The following MACROD1 variants were observed in gnomAD, a reference collection of about 807,000 sequenced individuals.
MACROD1 encodes mono-ADP ribosylhydrolase 1, also known as ADP-ribose glycohydrolase MACROD1.
Under a neutral mutation model 41.4 loss-of-function variants are expected in MACROD1, and 31 were observed. The ratio of observed to expected loss-of-function variants is 0.75; its 90% CI spans 0.56 to 1.01. The LOEUF (loss-of-function observed/expected upper bound fraction) is 1.01. Among genes scored for constraint, MACROD1 ranks in the 50% least tolerant of loss-of-function variants. MACROD1 has a pLI of 0.00. For missense variants in MACROD1, 473 were observed against 460.0 expected, an observed-to-expected ratio of 1.03 and a Z score of -0.26; for synonymous variants, 252 against 203.4, an observed-to-expected ratio of 1.24 and a Z score of -2.03.
chr11:64,000,415 G>C, intron 4 of MACROD1, 72 bp from the exon 5 acceptor site: 1 of 1,030,966 alleles, frequency 9.7e-7, no homozygotes, highest in Admixed American at 3.2e-5. Flanking sequence ...CCTCAGTCCC[G>C]AGAAGCCCCT....
chr11:64,002,273 C>T (rs530236941), intron 4 of MACROD1, among the ~76,000 whole-genome samples: 2 of 152,294 alleles, frequency 1.3e-5, no homozygotes, highest in East Asian at 1.9e-4. Flanking sequence ...CAGGCGACCT[C>T]GGCCAGCTGT....
intron 3 of MACROD1, among the ~76,000 whole-genome samples, chr11:64,033,176 T>C (rs1465918278): frequency 6.6e-6 from 1 of 152,154 alleles, no homozygotes; most frequent in African/African-American, 2.4e-5. Context: ...CATAACTGTC[T>C]AGGTGCCCAG....
In MACROD1 at chr11:64,090,792, G is replaced by A. The variant is rs1944475902; in HGVS notation, c.517+60447C>T. 2.6e-5 allele frequency among the ~76,000 whole-genome samples: 4 copies of A among 152,058 alleles called. No individual in the cohort carries two copies. In the South Asian group the frequency reaches 8.3e-4, roughly 32 times the overall value. On this transcript the variant is annotated intron_variant, in intron 3 of 10. Coordinates refer to ENST00000255681, the MANE Select transcript of MACROD1 (RefSeq NM_014067.4). This position sits in a 1 kb window ranked among gnomAD's most constrained non-coding sequence, Gnocchi z 4.7. ...GGCGGCGTCTCTCCACCAGGCACTT[G>A]GGGTTTGTCTCTGGGGCTCTGCAGA...
intron 3 of MACROD1, among the ~76,000 whole-genome samples, chr11:64,020,638 C>T (rs1943140614): frequency 1.3e-5 from 2 of 152,122 alleles, no homozygotes; most frequent in African/African-American, 2.4e-5. Context: ...TCATCTGCCA[C>T]CTCCTCAGGT....
At chr11:64,123,359 G>A (rs923732577) in intron 3 of MACROD1, among the ~76,000 whole-genome samples, 1 of 152,210 alleles carries the variant, frequency 6.6e-6, no homozygotes, top group Non-Finnish European at 1.5e-5. Context: ...TCTTAAGGAG[G>A]GATAAAAAGG....
intron 3 of MACROD1, among the ~76,000 whole-genome samples, chr11:64,130,600 C>G (rs1945251294): frequency 6.6e-6 from 1 of 152,196 alleles, no homozygotes; most frequent in African/African-American, 2.4e-5. Context: ...GGAGGGCACC[C>G]AGCTGGCCCT....
At chr11:64,121,059 T>C (rs1161898701) in intron 3 of MACROD1, among the ~76,000 whole-genome samples, 1 of 152,098 alleles carries the variant, frequency 6.6e-6, no homozygotes, top group Non-Finnish European at 1.5e-5. Context: ...AAGGTCCTGC[T>C]TGGCTGGGGC....
intron 5 of MACROD1, 155 bp downstream of exon 5, chr11:64,000,072 G>C (rs772682680): frequency 1.1e-5 from 7 of 650,956 alleles, no homozygotes; most frequent in Middle Eastern, 4.1e-4. Context: ...GCTTCCTGGG[G>C]TGTGCGGGGT....
intron 3 of MACROD1, among the ~76,000 whole-genome samples, chr11:64,043,145 C>T (rs1336887331): frequency 1.3e-5 from 2 of 152,166 alleles, no homozygotes; most frequent in Non-Finnish European, 2.9e-5. Context: ...TGATGGCATA[C>T]GTGCTGACAT....
intron 3 of MACROD1, chr11:64,104,324 T>A (rs1565234341): frequency 6.6e-6 from 1 of 152,260 alleles, no homozygotes; most frequent in Admixed American, 6.5e-5. Flanking sequence ...TCCAAGGGTC[T>A]GCAGCTCCAT....
At chr11:64,151,408 G>T in intron 2 of MACROD1, 53 bp from the exon 3 acceptor site, 1 of 1,400,586 alleles carries the variant, frequency 7.1e-7, no homozygotes, top group Non-Finnish European at 1.0e-6. Flanking sequence ...ACTGCAGAGG[G>T]ACCCAGCCAG....
At chr11:64,037,021 G>C (rs916621645) in intron 3 of MACROD1, among the ~76,000 whole-genome samples, 2 of 152,230 alleles carry the variant, frequency 1.3e-5, no homozygotes, top group African/African-American at 4.8e-5. Flanking sequence ...GTGGCCCCGG[G>C]AGGTCTTCGA....
intron 3 of MACROD1, among the ~76,000 whole-genome samples, chr11:64,066,294 CAAAA>C (rs59963244): frequency 3.9e-5 from 2 of 50,946 alleles, no homozygotes; most frequent in African/African-American, 1.3e-4. Context: ...GAGACTGTCT[CAAAA>C]AAAAAAAAAA....
At chr11:64,093,878 G>T (rs893937438) in intron 3 of MACROD1, among the ~76,000 whole-genome samples, 6 of 152,378 alleles carry the variant, frequency 3.9e-5, no homozygotes, top group African/African-American at 1.4e-4. Context: ...AGCCTGTGCA[G>T]CAACCAGAAG....
intron 3 of MACROD1, chr11:64,117,506 G>A: frequency 6.2e-7 from 1 of 1,609,062 alleles, no homozygotes; most frequent in Non-Finnish European, 8.5e-7. Context: ...TTACCCTCAA[G>A]GCCAAAAGGC....
At chr11:64,145,143 A>C (rs1226809801) in intron 3 of MACROD1, among the ~76,000 whole-genome samples, 1 of 152,220 alleles carries the variant, frequency 6.6e-6, no homozygotes, top group African/African-American at 2.4e-5. Context: ...CAAAGCCCCA[A>C]GACTTAAGGA....
chr11:64,123,614 C>T (rs987416167), intron 3 of MACROD1, among the ~76,000 whole-genome samples: 34 of 152,078 alleles, frequency 2.2e-4, no homozygotes, highest in African/African-American at 7.7e-4. Flanking sequence ...CTGAAGACAA[C>T]ACCAAATGGA....
At chr11:64,058,265 G>A (rs895437374) in intron 3 of MACROD1, among the ~76,000 whole-genome samples, 2 of 152,238 alleles carry the variant, frequency 1.3e-5, no homozygotes, top group African/African-American at 2.4e-5. Context: ...GGGTGCTCTC[G>A]GATGAGCAGT....
At chr11:64,026,113 G>A (rs574827927) in intron 3 of MACROD1, among the ~76,000 whole-genome samples, 7 of 152,158 alleles carry the variant, frequency 4.6e-5, no homozygotes, top group African/African-American at 9.7e-5. Flanking sequence ...TCTGGGAGGC[G>A]GAGGTTGCAG....
Sources: allele counts gnomAD v4.1 joint callset (sites outside exome capture counted in the v4.1 genomes callset), GRCh38; gene constraint gnomAD v4.1.1; non-coding constraint Gnocchi (gnomAD v3.1); transcripts MANE v1.5; gene names NCBI Gene and HGNC (gene_info 2026-07-23, HGNC 2026-07-21).